SYNDIG1L: variants seen among roughly 807,000 people sequenced by gnomAD.
SYNDIG1L encodes synapse differentiation inducing 1 like, also known as synapse differentiation-inducing gene protein 1-like.
A neutral mutation model predicts 20.1 loss-of-function variants in SYNDIG1L; 13 were observed. The ratio of observed to expected loss-of-function variants is 0.65; its 90% CI spans 0.42 to 1.03. SYNDIG1L has a LOEUF of 1.03. Ranked by LOEUF, SYNDIG1L falls within the 50% of genes least tolerant of loss-of-function variation. The pLI is 0.00. For missense variants in SYNDIG1L, 294 were observed against 305.1 expected (o/e 0.96, Z 0.27); for synonymous variants, 128 against 129.3 (o/e 0.99, Z 0.07).
At chr14:74,437,433 C>G in the SYNDIG1L span, among the ~76,000 whole-genome samples, 2 of 152,228 alleles carry the variant, frequency 1.3e-5, no homozygotes, top group African/African-American at 2.4e-5. Flanking sequence ...TTGCTGTCCA[C>G]TTCTAACAAG....
chr14:74,453,491 T>G, the SYNDIG1L span, among the ~76,000 whole-genome samples: 1 of 150,780 alleles, frequency 6.6e-6, no homozygotes, highest in Non-Finnish European at 1.5e-5. Context: ...GAGGAAATTT[T>G]GGGGAATGAT....
At chr14:74,427,190 C>T (rs1292693308), upstream of SYNDIG1L, among the ~76,000 whole-genome samples, 6 of 144,552 alleles carry the variant, frequency 4.2e-5, no homozygotes, top group African/African-American at 5.2e-5. Context: ...ATTCTTCGAG[C>T]GCCTTCACAA....
chr14:74,473,454 GATAA>G, the SYNDIG1L span, among the ~76,000 whole-genome samples: 1 of 152,136 alleles, frequency 6.6e-6, no homozygotes, highest in African/African-American at 2.4e-5. Context: ...ATGAATGATG[GATAA>G]ATAAAGACCT....
intron 2 of SYNDIG1L, 83 bp from the exon 3 acceptor site, chr14:74,408,072 G>A (rs999985588): frequency 1.7e-4 from 246 of 1,474,218 alleles, no homozygotes; most frequent in Non-Finnish European, 2.2e-4. Context: ...AAAAGGCAAT[G>A]CCCAGTGGCC....
At chr14:74,473,173 G>A in the SYNDIG1L span, among the ~76,000 whole-genome samples, 1 of 152,092 alleles carries the variant, frequency 6.6e-6, no homozygotes, top group Admixed American at 6.5e-5. Flanking sequence ...ATCACTTGAT[G>A]TCAGGAGTTT....
At chr14:74,437,471 C>T in the SYNDIG1L span, among the ~76,000 whole-genome samples, 2 of 152,282 alleles carry the variant, frequency 1.3e-5, no homozygotes, top group African/African-American at 2.4e-5. Context: ...GGTTGCCAGG[C>T]AGGTGAGGCT....
chr14:74,443,908 A>G, the SYNDIG1L span, among the ~76,000 whole-genome samples: 1 of 152,100 alleles, frequency 6.6e-6, no homozygotes, highest in Non-Finnish European at 1.5e-5. Context: ...CTCTGAGCAT[A>G]TTTCAGTTAC....
the SYNDIG1L span, among the ~76,000 whole-genome samples, chr14:74,455,019 C>G: frequency 6.6e-6 from 1 of 152,190 alleles, no homozygotes; most frequent in South Asian, 2.1e-4. Flanking sequence ...TGTTGGTGAG[C>G]CTCATCCAAT....
At chr14:74,456,707 A>G in the SYNDIG1L span, among the ~76,000 whole-genome samples, 1 of 151,990 alleles carries the variant, frequency 6.6e-6, no homozygotes, top group Non-Finnish European at 1.5e-5. Flanking sequence ...TTTCCTTCCA[A>G]GCTGGAGCTG....
At chr14:74,449,413 A>C in the SYNDIG1L span, among the ~76,000 whole-genome samples, 6 of 142,694 alleles carry the variant, frequency 4.2e-5, no homozygotes, top group Non-Finnish European at 9.2e-5. Flanking sequence ...ACCAGCCTAG[A>C]CAATATAGCA....
At chr14:74,465,794 TG>T in the SYNDIG1L span, among the ~76,000 whole-genome samples, 1 of 152,174 alleles carries the variant, frequency 6.6e-6, no homozygotes, top group Non-Finnish European at 1.5e-5. Context: ...GCATGAGGGC[TG>T]AACAGATCCA....
intron 1 of SYNDIG1L, among the ~76,000 whole-genome samples, chr14:74,412,647 T>C (rs1202854491): frequency 6.6e-6 from 1 of 152,152 alleles, no homozygotes; most frequent in East Asian, 1.9e-4. Flanking sequence ...TTCCCTACCA[T>C]AGCCCCTTGA....
At chr14:74,463,555 G>A in the SYNDIG1L span, among the ~76,000 whole-genome samples, 2 of 152,082 alleles carry the variant, frequency 1.3e-5, no homozygotes, top group Non-Finnish European at 2.9e-5. Flanking sequence ...CTCTTTGTGC[G>A]GTCTCGGATA....
At chr14:74,475,780 T>C in the SYNDIG1L span, among the ~76,000 whole-genome samples, 1 of 152,184 alleles carries the variant, frequency 6.6e-6, no homozygotes, top group East Asian at 1.9e-4. Flanking sequence ...TTAGTCTCCA[T>C]CCTAAGCCTC....
chr14:74,427,532 C>T (rs1342901959), upstream of SYNDIG1L, among the ~76,000 whole-genome samples: 1 of 152,162 alleles, frequency 6.6e-6, no homozygotes, highest in Non-Finnish European at 1.5e-5. Context: ...TCCTTCCCTT[C>T]AAGGCAGGAC....
chr14:74,472,890 G>A, the SYNDIG1L span, among the ~76,000 whole-genome samples: 1 of 152,150 alleles, frequency 6.6e-6, no homozygotes, highest in Admixed American at 6.5e-5. Context: ...AGAAAGAAGT[G>A]GTGTAATGTG....
the SYNDIG1L span, among the ~76,000 whole-genome samples, chr14:74,457,871 C>G: frequency 6.6e-4 from 101 of 152,248 alleles, no homozygotes; most frequent in African/African-American, 2.3e-3. Context: ...GGTCACAACT[C>G]ACTGCAGCCT....
At chr14:74,426,861 T>C (rs2086270858), upstream of SYNDIG1L, among the ~76,000 whole-genome samples, 1 of 151,860 alleles carries the variant, frequency 6.6e-6, no homozygotes, top group Non-Finnish European at 1.5e-5. Flanking sequence ...TAAGTTTTGG[T>C]CCTAGGGTCC....
At chr14:74,460,593 G>C in the SYNDIG1L span, among the ~76,000 whole-genome samples, 1 of 152,040 alleles carries the variant, frequency 6.6e-6, no homozygotes, top group African/African-American at 2.4e-5. Context: ...TTTTCTCCTC[G>C]TATTGACCCT....
Sources: gnomAD v4.1 joint callset for allele counts (sites outside exome capture counted in the v4.1 genomes callset) on GRCh38, gnomAD v4.1.1 for gene constraint, MANE v1.5 for transcripts, NCBI Gene and HGNC (gene_info 2026-07-23, HGNC 2026-07-21) for gene names.